The following COPG2 variants were observed in gnomAD, a reference collection of about 807,000 sequenced individuals.
The protein encoded by COPG2 is coat protein complex I subunit gamma 2.
A neutral mutation model predicts 46.3 loss-of-function variants in COPG2; 37 were observed. The ratio of observed to expected loss-of-function variants is 0.80; its 90% CI spans 0.61 to 1.05. The LOEUF is 1.05. Among genes scored for constraint, COPG2 ranks in the 50% least tolerant of loss-of-function variants. COPG2 has a pLI of 0.00. For missense variants in COPG2, 427 were observed against 387.8 expected, an observed-to-expected ratio of 1.10 and a Z score of -0.85; for synonymous variants, 159 against 129.7, an observed-to-expected ratio of 1.23 and a Z score of -1.53.
chr7:130,558,337 C>A (rs1230195368), intron 12 of COPG2, among the ~76,000 whole-genome samples: 1 of 152,062 alleles, frequency 6.6e-6, no homozygotes, highest in African/African-American at 2.4e-5. Flanking sequence ...CTCCTCCACA[C>A]CCCCCTTGGT....
chr7:130,525,513 A>C, intron 20 of COPG2, among the ~76,000 whole-genome samples: 1 of 152,274 alleles, frequency 6.6e-6, no homozygotes, highest in East Asian at 1.9e-4. Flanking sequence ...GTTTGAGTCT[A>C]TTGTGTGGGT....
chr7:130,636,967 C>A (rs1795350057), intron 5 of COPG2, among the ~76,000 whole-genome samples: 1 of 152,160 alleles, frequency 6.6e-6, no homozygotes, highest in Non-Finnish European at 1.5e-5. Context: ...GATTTTATTT[C>A]TCCTTCACTT....
At chr7:130,574,690 A>G (rs1216013514) in intron 9 of COPG2, among the ~76,000 whole-genome samples, 1 of 152,202 alleles carries the variant, frequency 6.6e-6, no homozygotes, top group Non-Finnish European at 1.5e-5. Flanking sequence ...AATGGATCTA[A>G]GCCAAGAAGA....
Position 130,547,849 on chromosome 7 carries a change from A to G in COPG2, c.1978-4T>C. 1 of 398,842 alleles carries G rather than the reference A, an allele frequency of 2.5e-6. No homozygotes were observed. Among genetic ancestry groups the G allele is most frequent in the Non-Finnish European group, 4.4e-6 (1 of 226,222 alleles). 24.7% of individuals were successfully genotyped at this position (398,842 alleles called of 1,614,324 possible). A position where few individuals can be genotyped will look rare whatever the true frequency, so the allele number is the denominator to read the frequency against. ...TGAGAGTGTTGGTGCAGTCAAACTGAAAAGTCAGTAAATGGAAAAGCTGTG... is the reference window on the plus strand; with the variant it reads ...TGAGAGTGTTGGTGCAGTCAAACTGGAAAGTCAGTAAATGGAAAAGCTGTG... On this transcript the variant is annotated splice_region_variant and splice_polypyrimidine_tract_variant and intron_variant, in intron 19 of 23. Transcript: ENST00000425248.
intron 18 of COPG2, among the ~76,000 whole-genome samples, chr7:130,548,900 AGAGC>A (rs1793488186): frequency 6.6e-6 from 1 of 152,060 alleles, no homozygotes; most frequent in Non-Finnish European, 1.5e-5. Context: ...CCTGGGTGAC[AGAGC>A]GAGACTCTGT....
Position 130,561,124 on chromosome 7 carries a change from G to A in COPG2, c.1037C>T (p.Thr346Ile), listed in dbSNP as rs902968993. ...SNRSIATLAI[T>I]TLLKTGSESS... is the part of the protein sequence containing the mutation. The stretch of plus-strand genomic sequence containing the variant: ...CTCACTTCCTGTTTTGAGGAGTGTA[G>A]TAATGGCTAAGGTAGCAATGCTTCT... The change falls in exon 12 of 24, where the codon ACT (threonine) becomes ATT (isoleucine). Residue 346 changes from threonine to isoleucine, a missense_variant. By Grantham distance (89) the Thr-to-Ile change is moderately conservative. Transcript: ENST00000425248. 2 of 398,472 alleles carry A rather than the reference G, an allele frequency of 5.0e-6. No individual in the cohort carries two copies. The highest frequency in any genetic ancestry group is 2.1e-5 in the African/African-American group (1 of 48,626). The allele number at this position is 398,472 out of a possible 1,614,324, so 24.7% of individuals were successfully genotyped here. A position where few individuals can be genotyped will look rare whatever the true frequency, so the allele number is the denominator to read the frequency against.
At chr7:130,656,863 C>T (rs1795870087) in intron 4 of COPG2, among the ~76,000 whole-genome samples, 1 of 151,688 alleles carries the variant, frequency 6.6e-6, no homozygotes, top group Admixed American at 6.6e-5. Context: ...CTATAATGTC[C>T]ATTCTCCTAA....
At chr7:130,617,807 G>C (rs1794974319) in intron 5 of COPG2, among the ~76,000 whole-genome samples, 1 of 151,982 alleles carries the variant, frequency 6.6e-6, no homozygotes, top group Non-Finnish European at 1.5e-5. Context: ...TTTTCAATTA[G>C]GAAAGCAATT....
At chr7:130,540,465 C>T (rs1326927138) in intron 20 of COPG2, among the ~76,000 whole-genome samples, 1 of 151,772 alleles carries the variant, frequency 6.6e-6, no homozygotes, top group African/African-American at 2.4e-5. Context: ...AGGTTGAGGC[C>T]GAAGATACTG....
chr7:130,573,225 A>C (rs931359886), intron 9 of COPG2, among the ~76,000 whole-genome samples: 1 of 149,786 alleles, frequency 6.7e-6, no homozygotes, highest in South Asian at 2.1e-4. Context: ...AAAAAAAAAA[A>C]CCACAGATCC....
At chr7:130,661,914 G>C (rs1253058997) in intron 4 of COPG2, among the ~76,000 whole-genome samples, 1 of 152,190 alleles carries the variant, frequency 6.6e-6, no homozygotes, top group Non-Finnish European at 1.5e-5. Context: ...ACAGGGCTGA[G>C]ACTTCTACAA....
intron 14 of COPG2, among the ~76,000 whole-genome samples, chr7:130,553,901 T>C (rs1793574618): frequency 6.6e-6 from 1 of 152,196 alleles, no homozygotes; most frequent in Non-Finnish European, 1.5e-5. Context: ...AACATTAAAG[T>C]ATCTAACTTG....
At chr7:130,588,068 G>C (rs1469510388) in intron 9 of COPG2, among the ~76,000 whole-genome samples, 1 of 151,908 alleles carries the variant, frequency 6.6e-6, no homozygotes, top group Non-Finnish European at 1.5e-5. Flanking sequence ...CTGGCCATCA[G>C]AGAAATGCAA....
intron 9 of COPG2, among the ~76,000 whole-genome samples, chr7:130,577,771 AAAAAAAAAAAAAAAAAAC>A (rs1185861964): frequency 6.7e-6 from 1 of 150,296 alleles, no homozygotes; most frequent in African/African-American, 2.5e-5. Flanking sequence ...CCGTCTCAAA[AAAAAAAAAAAAAAAAAAC>A]AAAAAAAAAA....
At chr7:130,525,233 A>G (rs1177541915) in intron 20 of COPG2, among the ~76,000 whole-genome samples, 4 of 152,186 alleles carry the variant, frequency 2.6e-5, no homozygotes, top group Non-Finnish European at 4.4e-5. Flanking sequence ...ATGCTGGTCA[A>G]GGGGCCAAGG....
intron 5 of COPG2, among the ~76,000 whole-genome samples, chr7:130,634,445 T>C (rs988517984): frequency 1.3e-5 from 2 of 152,198 alleles, no homozygotes; most frequent in Non-Finnish European, 2.9e-5. Flanking sequence ...CCATCCCTTA[T>C]AAGTTGAATT....
At chr7:130,658,620 G>C (rs1311642534) in intron 4 of COPG2, among the ~76,000 whole-genome samples, 3 of 151,820 alleles carry the variant, frequency 2.0e-5, no homozygotes, top group Non-Finnish European at 4.4e-5. Flanking sequence ...CAAAACATCT[G>C]TCTGATAAAG....
At chr7:130,568,302 C>A (rs1008165026) in intron 9 of COPG2, among the ~76,000 whole-genome samples, 1 of 152,028 alleles carries the variant, frequency 6.6e-6, no homozygotes. Context: ...CAACCAAGTC[C>A]GCTGTCTTAA....
At chr7:130,551,091 T>TA (rs1437883260) in intron 16 of COPG2, 150 bp downstream of exon 16, 62,030 of 388,526 alleles carry the variant, frequency 0.16, 6,200 homozygotes, top group Non-Finnish European at 0.21. Context: ...GAAAATATCC[T>TA]ATAAACACAG....
Sources: allele counts gnomAD v4.1 joint callset (sites outside exome capture counted in the v4.1 genomes callset), GRCh38; gene constraint gnomAD v4.1.1; transcripts MANE v1.5; gene names NCBI Gene and HGNC (gene_info 2026-07-23, HGNC 2026-07-21).